The following FAAH2 variants were observed in gnomAD, a reference collection of about 807,000 sequenced individuals.
FAAH2 encodes the protein fatty acid amide hydrolase 2.
Under a neutral mutation model 36.9 loss-of-function variants are expected in FAAH2, and 60 were observed. The observed-to-expected ratio is 1.63, with a 90% confidence interval of 1.32 to 2.02. The LOEUF (loss-of-function observed/expected upper bound fraction) is 2.02, where lower values mean the gene tolerates loss of function less well. Ranked by LOEUF, FAAH2 falls within the 30% of genes most tolerant of loss-of-function variation. FAAH2 has a pLI of 0.00. For missense variants in FAAH2, 689 were observed against 397.5 expected (o/e 1.73, Z -6.23); for synonymous variants, 214 against 143.8 (o/e 1.49, Z -3.49).
At chrX:57,223,717 G>A in the FAAH2 span, among the ~76,000 whole-genome samples, 6 of 111,714 alleles carry the variant, frequency 5.4e-5, no homozygotes, top group Non-Finnish European at 9.4e-5. Flanking sequence ...ACTTTCTCCA[G>A]GTAGATAAAA....
At chrX:57,261,340 G>T in the FAAH2 span, among the ~76,000 whole-genome samples, 1 of 109,930 alleles carries the variant, frequency 9.1e-6, no homozygotes, top group Non-Finnish European at 1.9e-5. Flanking sequence ...ATCATCTGAG[G>T]TCAGGAGTTT....
chrX:57,342,219 G>A lies in FAAH2; in HGVS notation c.742+829G>A, dbSNP rs747319284. ...AAGAACAAGATCATTTCCTTTGCAG[G>A]GACATAGATGGAACTGGAGGCCATT... On this transcript the variant is annotated intron_variant, in intron 5 of 10. Coordinates refer to ENST00000374900, the MANE Select transcript of FAAH2 (RefSeq NM_174912.4). 6.3e-5 allele frequency among the ~76,000 whole-genome samples: 7 copies of A among 111,460 alleles called. No individual in the cohort carries two copies. In the East Asian group the frequency reaches 1.4e-3, roughly 22 times the overall value.
At chrX:57,194,702 C>T in the FAAH2 span, among the ~76,000 whole-genome samples, 1 of 110,639 alleles carries the variant, frequency 9.0e-6, no homozygotes, top group African/African-American at 3.3e-5. Context: ...GCAGTGTATA[C>T]TGTACCCAAT....
intron 7 of FAAH2, among the ~76,000 whole-genome samples, chrX:57,386,621 T>A (rs1263733649): frequency 8.9e-6 from 1 of 112,111 alleles, no homozygotes; most frequent in South Asian, 3.7e-4. Flanking sequence ...AATAACTTAA[T>A]GTACAGACTC....
intron 1 of FAAH2, among the ~76,000 whole-genome samples, chrX:57,288,338 CTTTTTTTTTTTTTTTTTTT>C (rs771871081): frequency 2.5e-5 from 1 of 40,363 alleles, no homozygotes; most frequent in Non-Finnish European, 4.0e-5. Flanking sequence ...AAAAACATTT[CTTTTTTTTTTTTTTTTTTT>C]TTTTTTTTTT....
At chrX:57,216,596 A>ACGTATATATATACGTATATATACG in the FAAH2 span, among the ~76,000 whole-genome samples, 4 of 2,867 alleles carry the variant, frequency 1.4e-3, no homozygotes, top group African/African-American at 1.3e-3. Flanking sequence ...ATGTATATAT[A>ACGTATATATATACGTATATATACG]TGTATATATA....
At chrX:57,362,626 T>G (rs1018303722) in intron 5 of FAAH2, among the ~76,000 whole-genome samples, 12 of 112,024 alleles carry the variant, frequency 1.1e-4, no homozygotes, top group African/African-American at 3.6e-4. Flanking sequence ...TGTCAAATTT[T>G]GTTTTTGTTG....
At chrX:57,302,571 T>TGTG (rs2052405024) in intron 2 of FAAH2, among the ~76,000 whole-genome samples, 1 of 110,833 alleles carries the variant, frequency 9.0e-6, no homozygotes, top group African/African-American at 3.3e-5. Flanking sequence ...AGAAGGTTAC[T>TGTG]GATCCAAGAC....
chrX:57,179,747 C>G, the FAAH2 span, among the ~76,000 whole-genome samples: 1 of 111,603 alleles, frequency 9.0e-6, no homozygotes, highest in Non-Finnish European at 1.9e-5. Flanking sequence ...AGGACCTGAA[C>G]CCAGCACTGG....
chrX:57,270,076 A>G, the FAAH2 span, among the ~76,000 whole-genome samples: 1 of 112,299 alleles, frequency 8.9e-6, no homozygotes, highest in African/African-American at 3.2e-5. Flanking sequence ...TTATCAATGA[A>G]TGTTATCAAC....
chrX:57,401,602 T>C (rs1000770724), intron 7 of FAAH2, among the ~76,000 whole-genome samples: 5 of 111,731 alleles, frequency 4.5e-5, no homozygotes, highest in East Asian at 5.6e-4. Context: ...CTGCATGGTT[T>C]TACTAGGCCT....
intron 2 of FAAH2, among the ~76,000 whole-genome samples, chrX:57,301,291 G>A (rs1258072625): frequency 9.0e-6 from 1 of 110,846 alleles, no homozygotes; most frequent in Non-Finnish European, 1.9e-5. Context: ...CATAAAAAAG[G>A]ATGACTTCAT....
chrX:57,419,958 G>A lies in FAAH2; in HGVS notation c.997-11960G>A, dbSNP rs527341467. ...ATATGGCTAGCCAGTTTTCCCAGCA[G>A]CATTTATTAAATAGAGAATCCTTTC... On this transcript the variant is annotated intron_variant, in intron 7 of 10. Transcript: ENST00000374900. Among the ~76,000 whole-genome samples the A allele has an allele frequency of 9.4e-3, 1,046 of 111,767 alleles. 9 individuals are homozygous for A. The highest frequency in any genetic ancestry group is 0.024 in the South Asian group (65 of 2,673).
chrX:57,437,941 G>A (rs763162796), intron 8 of FAAH2, among the ~76,000 whole-genome samples: 7 of 98,039 alleles, frequency 7.1e-5, no homozygotes, highest in African/African-American at 1.5e-4. Flanking sequence ...ATATACATAG[G>A]TACATGTATA....
chrX:57,171,771 C>T, the FAAH2 span, among the ~76,000 whole-genome samples: 1 of 111,624 alleles, frequency 9.0e-6, no homozygotes, highest in Non-Finnish European at 1.9e-5. Context: ...TTTAATTAAA[C>T]CCCATTTATT....
chrX:57,381,071 A>G, intron 7 of FAAH2, 42 bp downstream of exon 7: 4 of 982,439 alleles, frequency 4.1e-6, no homozygotes, highest in Non-Finnish European at 5.7e-6. Context: ...TTTTTAGTCA[A>G]AGAGATATCC....
chrX:57,379,545 TCACACACACA>T (rs773400915), intron 6 of FAAH2, among the ~76,000 whole-genome samples: 2 of 70,458 alleles, frequency 2.8e-5, no homozygotes, highest in African/African-American at 1.3e-4. Flanking sequence ...TCTCTCTCTC[TCACACACACA>T]CACACACACA....
chrX:57,145,744 A>T, the FAAH2 span, among the ~76,000 whole-genome samples: 1 of 112,033 alleles, frequency 8.9e-6, no homozygotes. Context: ...ATAAAGTGAG[A>T]GATGAGGATC....
the FAAH2 span, among the ~76,000 whole-genome samples, chrX:57,131,079 CTTT>C: frequency 3.3e-5 from 3 of 90,242 alleles, no homozygotes; most frequent in Non-Finnish European, 4.3e-5. Context: ...GGGCCTATTT[CTTT>C]TTTTTTTTTT....
Sources: gnomAD v4.1 joint callset for allele counts (sites outside exome capture counted in the v4.1 genomes callset) on GRCh38, gnomAD v4.1.1 for gene constraint, MANE v1.5 for transcripts, NCBI Gene and HGNC (gene_info 2026-07-23, HGNC 2026-07-21) for gene names.